EXT1: variants seen among roughly 807,000 people sequenced by gnomAD.
EXT1 encodes exostosin glycosyltransferase 1.
A neutral mutation model predicts 82.5 loss-of-function variants in EXT1; 20 were observed. The observed-to-expected ratio is 0.24, with a 90% CI of 0.17 to 0.35. The LOEUF (loss-of-function observed/expected upper bound fraction) is 0.35, where lower values mean the gene tolerates loss of function less well. EXT1 is among the 10% of genes least tolerant of loss of function. The pLI is 1.00. For synonymous variants in EXT1, 348 were observed against 350.8 expected, an observed-to-expected ratio of 0.99 and a Z score of 0.09; for missense variants, 757 against 936.5, an observed-to-expected ratio of 0.81 and a Z score of 2.50.
Position 118,008,265 on chromosome 8 carries a change from GT to G in EXT1, c.962+101819del, listed in dbSNP as rs367605253. 3.6e-4 allele frequency among the ~76,000 whole-genome samples: 54 copies of G among 151,466 alleles called. 1 individual carries two copies. In the East Asian group the frequency reaches 0.01, roughly 29 times the overall value. On this transcript the variant is annotated intron_variant, in intron 1 of 10. Coordinates refer to ENST00000378204, the MANE Select transcript of EXT1 (RefSeq NM_000127.3). ...ATTTATGCATATTATACTTTTTTTT[GT>G]TTTTTTATTTGAGACAGAGTTTTGC...
At chr8:118,067,732 A>G (rs1817017403) in intron 1 of EXT1, among the ~76,000 whole-genome samples, 1 of 152,246 alleles carries the variant, frequency 6.6e-6, no homozygotes, top group Non-Finnish European at 1.5e-5. Context: ...TGGTTTTTAG[A>G]AACTGCACAT....
intron 1 of EXT1, among the ~76,000 whole-genome samples, chr8:117,859,646 A>T (rs1812645799): frequency 6.6e-6 from 1 of 152,254 alleles, no homozygotes; most frequent in South Asian, 2.1e-4. Context: ...TGTGTCCAGT[A>T]ACCTTATTCT....
chr8:117,856,027 G>A (rs1417033868), intron 1 of EXT1, among the ~76,000 whole-genome samples: 1 of 152,126 alleles, frequency 6.6e-6, no homozygotes, highest in East Asian at 1.9e-4. Flanking sequence ...AAGGAATGTT[G>A]AAAGGCATGA....
chr8:117,963,599 T>C (rs534287037), intron 1 of EXT1, among the ~76,000 whole-genome samples: 3 of 152,282 alleles, frequency 2.0e-5, no homozygotes, highest in South Asian at 2.1e-4. Flanking sequence ...CAAGCGATTC[T>C]CTTGCCTCCG....
chr8:118,006,455 T>C (rs1021706304), intron 1 of EXT1, among the ~76,000 whole-genome samples: 1 of 152,172 alleles, frequency 6.6e-6, no homozygotes, highest in African/African-American at 2.4e-5. Context: ...GTAACTTTCC[T>C]TTTTCAGAGC....
chr8:117,878,293 A>C (rs1433663009), intron 1 of EXT1, among the ~76,000 whole-genome samples: 1 of 152,214 alleles, frequency 6.6e-6, no homozygotes. Flanking sequence ...ATAAACAAAT[A>C]CATATTCAAC....
At chr8:117,923,830 A>G (rs1252923494) in intron 1 of EXT1, among the ~76,000 whole-genome samples, 1 of 152,180 alleles carries the variant, frequency 6.6e-6, no homozygotes, top group African/African-American at 2.4e-5. Flanking sequence ...CACTTGCTGC[A>G]TGGAGCACCA....
chr8:118,014,032 G>A (rs1259631895), intron 1 of EXT1, among the ~76,000 whole-genome samples: 1 of 152,124 alleles, frequency 6.6e-6, no homozygotes, highest in African/African-American at 2.4e-5. Flanking sequence ...TTACATATCT[G>A]TAAATGGCAG....
At chr8:118,037,840 T>TTTG (rs1554595711) in intron 1 of EXT1, among the ~76,000 whole-genome samples, 2 of 146,310 alleles carry the variant, frequency 1.4e-5, no homozygotes, top group African/African-American at 5.1e-5. Flanking sequence ...TTTTTTGTTT[T>TTTG]TTTTTTTTTT....
At chr8:118,013,368 C>G (rs889983239) in intron 1 of EXT1, among the ~76,000 whole-genome samples, 1 of 152,266 alleles carries the variant, frequency 6.6e-6, no homozygotes, top group East Asian at 1.9e-4. Context: ...GTCACTGCGC[C>G]CAACTAATTT....
intron 10 of EXT1, among the ~76,000 whole-genome samples, chr8:117,803,761 T>A: frequency 6.6e-6 from 1 of 152,204 alleles, no homozygotes; most frequent in East Asian, 1.9e-4. Flanking sequence ...AAAATACCTT[T>A]AATACTAAAA....
intron 1 of EXT1, among the ~76,000 whole-genome samples, chr8:117,934,065 G>A (rs946990539): frequency 1.3e-5 from 2 of 152,026 alleles, no homozygotes; most frequent in Admixed American, 1.3e-4. Context: ...GAACACTCCT[G>A]TGCCTTCTAC....
intron 1 of EXT1, among the ~76,000 whole-genome samples, chr8:117,956,729 G>A (rs1414586396): frequency 6.6e-6 from 1 of 152,176 alleles, no homozygotes; most frequent in African/African-American, 2.4e-5. Flanking sequence ...TTACAGGCAT[G>A]AGCCACTGCA....
At chr8:117,895,734 GT>G (rs1344058395) in intron 1 of EXT1, among the ~76,000 whole-genome samples, 1 of 152,172 alleles carries the variant, frequency 6.6e-6, no homozygotes, top group Non-Finnish European at 1.5e-5. Flanking sequence ...ATGTCTGGAT[GT>G]TTTTGCTTTT....
chr8:117,927,313 G>A (rs1420400728), intron 1 of EXT1, among the ~76,000 whole-genome samples: 2 of 144,000 alleles, frequency 1.4e-5, no homozygotes, highest in Non-Finnish European at 3.1e-5. Context: ...CACTGCATAG[G>A]CCTAGTTTTA....
chr8:117,883,052 G>A (rs1813088965), intron 1 of EXT1, among the ~76,000 whole-genome samples: 1 of 151,678 alleles, frequency 6.6e-6, no homozygotes, highest in African/African-American at 2.4e-5. Flanking sequence ...TTTGTTGTCT[G>A]GGAGAAAGAA....
Position 118,111,393 on chromosome 8 carries a change from G to T in EXT1, c.-347C>A. ...GAGAGGGGAGAAAAAAAAAGCTCCC[G>T]ATACCCAATCAATGGCAAGACGAAG... is the stretch of plus-strand genomic sequence containing the variant. On this transcript the variant is annotated 5_prime_UTR_variant, in exon 1 of 11. Transcript: ENST00000378204. 2 of 561,882 alleles carry T rather than the reference G, an allele frequency of 3.6e-6. No individual in the cohort carries two copies. Among genetic ancestry groups the T allele is most frequent in the Non-Finnish European group, 6.3e-6 (2 of 318,578 alleles). 34.8% of individuals were successfully genotyped at this position (561,882 alleles called of 1,614,324 possible).
intron 1 of EXT1, among the ~76,000 whole-genome samples, chr8:117,911,795 C>A (rs1363310366): frequency 2.0e-5 from 3 of 152,218 alleles, no homozygotes; most frequent in Non-Finnish European, 4.4e-5. Flanking sequence ...TTCAATATCA[C>A]ATCATGACAC....
At position 117,924,221 on chromosome 8, in the gene EXT1, A is replaced by G. The variant is rs58082643; in HGVS notation, c.963-87020T>C. ...CACTGTACTAGGGAAATATTTACTG[A>G]CTGCCCACCATATGTATGGTGCTGG... is the stretch of plus-strand genomic sequence containing the variant. On this transcript the variant is annotated intron_variant, in intron 1 of 10. Transcript: ENST00000378204. 4.8e-4 allele frequency among the ~76,000 whole-genome samples: 73 copies of G among 151,830 alleles called. No individual in the cohort carries two copies. The South Asian group carries it at 0.015, about 32-fold the overall frequency.
Sources: gnomAD v4.1 joint callset for allele counts (sites outside exome capture counted in the v4.1 genomes callset) on GRCh38, gnomAD v4.1.1 for gene constraint, MANE v1.5 for transcripts, NCBI Gene and HGNC (gene_info 2026-07-23, HGNC 2026-07-21) for gene names.